Variants in MUC22 observed in about 807,000 individuals in gnomAD.
MUC22 encodes the protein mucin-22.
Under a neutral mutation model 40.3 loss-of-function variants are expected in MUC22, and 24 were observed. The observed-to-expected ratio is 0.60, with a 90% CI of 0.43 to 0.84. The LOEUF (loss-of-function observed/expected upper bound fraction) is 0.84, where lower values mean the gene tolerates loss of function less well. Ranked by LOEUF, MUC22 falls within the 40% of genes least tolerant of loss-of-function variation. MUC22 has a pLI of 0.00. For missense variants in MUC22, 1,926 were observed against 2,130.7 expected (o/e 0.90, Z 1.89); for synonymous variants, 765 against 844.5 (o/e 0.91, Z 1.63).
At chr6:31,013,350 C>G (rs6912926) in intron 1 of MUC22, among the ~76,000 whole-genome samples, 22,057 of 151,778 alleles carry the variant, frequency 0.15, 1,762 homozygotes, top group African/African-American at 0.19. Context: ...TGGACTCGAA[C>G]TCCTGAGCTC....
exon 2 of MUC22, chr6:31,028,284 C>G: frequency 6.5e-7 from 1 of 1,534,894 alleles, no homozygotes; most frequent in Non-Finnish European, 8.7e-7. Flanking sequence ...CCATCACAGG[C>G]TCTGAGACCA....
exon 2 of MUC22, chr6:31,025,892 C>T (rs1197161315): frequency 1.1e-5 from 17 of 1,534,800 alleles, no homozygotes; most frequent in Non-Finnish European, 1.4e-5. Context: ...ACTACCATGG[C>T]CTCCAGCACA....
intron 1 of MUC22, among the ~76,000 whole-genome samples, chr6:31,020,427 C>T (rs1203586702): frequency 6.8e-6 from 1 of 147,326 alleles, no homozygotes; most frequent in Non-Finnish European, 1.5e-5. Context: ...AAGACCTTGC[C>T]TCCTGGAAAT....
At chr6:31,025,806 T>C in exon 2 of MUC22, 1 of 1,532,110 alleles carries the variant, frequency 6.5e-7, no homozygotes, top group Non-Finnish European at 8.7e-7. Context: ...CTGCAGGCTC[T>C]GAAACTATCG....
At chr6:31,018,288 TGA>T (rs1412625859) in intron 1 of MUC22, among the ~76,000 whole-genome samples, 2 of 152,356 alleles carry the variant, frequency 1.3e-5, no homozygotes, top group Non-Finnish European at 2.9e-5. Flanking sequence ...GATCTGGAGC[TGA>T]GAGACAGTTC....
At position 31,032,306 on chromosome 6, in the gene MUC22, A is replaced by G. The variant is rs958567985; in HGVS notation, c.4780A>G (p.Asn1594Asp). The G allele has an allele frequency of 1.8e-5, 28 of 1,535,512 alleles. No individual in the cohort carries two copies. In the African/African-American group the frequency reaches 3.6e-4, roughly 20 times the overall value. ...CCATACTGTGCCAGGAATAGTCTTAAACACCTCTGGCCTGGGTACATCCAC... is the reference window on the plus strand; with the variant it reads ...CCATACTGTGCCAGGAATAGTCTTAGACACCTCTGGCCTGGGTACATCCAC... The change falls in exon 3 of 4, where the codon AAC becomes GAC. Residue 1594 changes from asparagine (N) to aspartate (D), a missense_variant. Asn to Asp is a conservative substitution (Grantham distance 23). Around this residue, in one of 3 missense-constraint regions of MUC22, gnomAD observed 610 missense variants for 714.6 expected, o/e 0.85. Transcript: ENST00000561890. The surrounding 1 kb of genome is among the most constrained non-coding windows in gnomAD (Gnocchi z 4.1).
At chr6:31,019,386 C>T (rs529632531) in intron 1 of MUC22, among the ~76,000 whole-genome samples, 2 of 152,312 alleles carry the variant, frequency 1.3e-5, no homozygotes, top group South Asian at 2.1e-4. Context: ...TCACTCTTGC[C>T]CTCCTACATG....
chr6:31,027,645 C>T, exon 2 of MUC22: 4 of 1,530,168 alleles, frequency 2.6e-6, no homozygotes, highest in Non-Finnish European at 3.5e-6. Flanking sequence ...CCACCACAGC[C>T]TCTAATACAG....
intron 3 of MUC22, among the ~76,000 whole-genome samples, chr6:31,033,544 T>G (rs1476508520): frequency 6.6e-6 from 1 of 152,238 alleles, no homozygotes; most frequent in East Asian, 1.9e-4. Context: ...ATTTCACATT[T>G]ATTGATGTTC....
Position 31,032,409 on chromosome 6 carries a change from C to T in MUC22, c.4883C>T (p.Thr1628Ile). ...TCCACCCGTGAGCCAACCAGCAGCA[C>T]CTTCCAGGAAACAGGCCCGGTGTCC... is the stretch of plus-strand genomic sequence containing the variant. The change falls in exon 3 of 4, where the codon ACC (threonine) becomes ATC (isoleucine). Residue 1628 changes from threonine (T) to isoleucine (I), a missense_variant. By Grantham distance (89) the Thr-to-Ile change is moderately conservative (BLOSUM62 -1). Coordinates refer to ENST00000561890, the Ensembl canonical transcript of MUC22. This position sits in a 1 kb window ranked among gnomAD's most constrained non-coding sequence, Gnocchi z 4.1. The T allele has an allele frequency of 6.5e-7, 1 of 1,535,718 alleles. No individual in the cohort carries two copies.
rs148105221 is a variant in MUC22, at chr6:31,016,001, G to A, written c.70+5225G>A. ...TCTTCTTCTGTCTTCCAACTCTGTC[G>A]TTTTATTTTTCTTCTGGGGAGATTT... On this transcript the variant is annotated intron_variant, in intron 1 of 3. Coordinates refer to ENST00000561890, the Ensembl canonical transcript of MUC22. Among the ~76,000 whole-genome samples the A allele has an allele frequency of 4.0e-3, 596 of 149,374 alleles. 17 individuals carry two copies. The South Asian group carries it at 0.068, about 17-fold the overall frequency.
exon 2 of MUC22, chr6:31,027,510 T>C: frequency 6.5e-7 from 1 of 1,529,652 alleles, no homozygotes; most frequent in East Asian, 2.5e-5. Context: ...CTGAAGGCTC[T>C]GAGATCACAA....
upstream of MUC22, among the ~76,000 whole-genome samples, chr6:31,010,204 GGTCAGCTCTGGTTCA>G (rs1321894972): frequency 1.3e-5 from 2 of 152,154 alleles, no homozygotes; most frequent in Non-Finnish European, 2.9e-5. Flanking sequence ...ACAGGTTTCA[GGTCAGCTCTGGTTCA>G]AAGGGTGGGT....
At chr6:31,029,693 C>T (rs77030877) in exon 2 of MUC22, 1 of 1,532,970 alleles carries the variant, frequency 6.5e-7, no homozygotes, top group South Asian at 1.2e-5. Context: ...TCCTCTGCTG[C>T]AGGCTCTGAG....
chr6:31,006,006 C>G (rs12110532), upstream of MUC22: 8,109 of 217,448 alleles, frequency 0.037, 296 homozygotes, highest in East Asian at 0.11. Context: ...ACGTGGGAAG[C>G]TGAGGCAAGA....
intron 1 of MUC22, among the ~76,000 whole-genome samples, chr6:31,015,272 A>G (rs1764113683): frequency 6.6e-6 from 1 of 152,318 alleles, no homozygotes; most frequent in Middle Eastern, 3.4e-3. Flanking sequence ...TAGCCCTGGA[A>G]GGTCCTGTCT....
rs560154242 is a variant in MUC22, at chr6:31,031,432, C to T, written c.4670-764C>T. 1.3e-3 allele frequency among the ~76,000 whole-genome samples: 195 copies of T among 152,294 alleles called. 1 individual carries two copies. The highest frequency in any genetic ancestry group is 3.9e-3 in the Admixed American group (59 of 15,296). On this transcript the variant is annotated intron_variant, in intron 2 of 3. Transcript: ENST00000561890. Reference sequence around the variant, plus strand: ...TCCTCCTCCAGCTCCCTCCTTACACCCAGTGATCACAGTCACAAAAGAAGC... The same window carrying T: ...TCCTCCTCCAGCTCCCTCCTTACACTCAGTGATCACAGTCACAAAAGAAGC...
intron 1 of MUC22, among the ~76,000 whole-genome samples, chr6:31,020,686 A>G (rs1186374616): frequency 1.3e-5 from 2 of 152,184 alleles, no homozygotes; most frequent in Admixed American, 6.5e-5. Flanking sequence ...GGCCGAGGCC[A>G]GAGCCGGCTC....
chr6:31,008,341 AG>A (rs1763641998), upstream of MUC22, among the ~76,000 whole-genome samples: 1 of 152,156 alleles, frequency 6.6e-6, no homozygotes, highest in African/African-American at 2.4e-5. Flanking sequence ...ATGGAACGAG[AG>A]GGAGCTCAGG....
Sources: allele counts gnomAD v4.1 joint callset (sites outside exome capture counted in the v4.1 genomes callset), GRCh38; gene constraint gnomAD v4.1.1; regional missense constraint gnomAD v4.1.1; non-coding constraint Gnocchi (gnomAD v3.1); transcripts MANE v1.5; gene names NCBI Gene and HGNC (gene_info 2026-07-23, HGNC 2026-07-21).